The following KIF1B variants were observed in gnomAD, a reference collection of about 807,000 sequenced individuals.
KIF1B encodes the protein kinesin-like protein KIF1B.
In KIF1B, 76 loss-of-function variants were observed where a neutral mutation model predicts 241.9. The observed-to-expected ratio is 0.31, with a 90% CI of 0.26 to 0.38. The LOEUF is 0.38. Among genes scored for constraint, KIF1B ranks in the 10% least tolerant of loss-of-function variants. The pLI is 1.00. For missense variants in KIF1B, 1,622 were observed against 2,271.4 expected (o/e 0.71, Z 5.81); for synonymous variants, 750 against 796.7 (o/e 0.94, Z 0.99).
chr1:10,370,593 T>TAAG (rs70997223), intron 44 of KIF1B, among the ~76,000 whole-genome samples: 18,553 of 141,144 alleles, frequency 0.13, 1,493 homozygotes, highest in Non-Finnish European at 0.17. Flanking sequence ...ATAATAATAA[T>TAAG]AAGAAGAAGA....
At position 10,232,259 on chromosome 1, in the gene KIF1B, C is replaced by A; in HGVS notation, c.-70C>A. On this transcript the variant is annotated 5_prime_UTR_variant, in exon 2 of 49. In the 5' UTR this introduces an upstream ATG that the reference lacks. Transcript: ENST00000676179. Reference sequence around the variant, plus strand: ...TTTTTTCTTTTCAAAGGAAACTTGGCTGTAACTTCAAAAGAAGATTTGATT... The same window carrying A: ...TTTTTTCTTTTCAAAGGAAACTTGGATGTAACTTCAAAAGAAGATTTGATT... 1 of 1,224,048 alleles carries A rather than the reference C, an allele frequency of 8.2e-7. No homozygotes were observed. Among genetic ancestry groups the A allele is most frequent in the Non-Finnish European group, 1.2e-6 (1 of 848,396 alleles). The allele number at this position is 1,224,048 out of a possible 1,614,324, so 75.8% of individuals were successfully genotyped here. A position where few individuals can be genotyped will look rare whatever the true frequency, so the allele number is the denominator to read the frequency against.
At position 10,337,196 on chromosome 1, in the gene KIF1B, T is replaced by C. The variant is rs922916817; in HGVS notation, c.3252T>C (p.Asn1084=). 13 of 1,614,174 alleles carry C rather than the reference T, an allele frequency of 8.1e-6. No individual in the cohort carries two copies. The highest frequency in any genetic ancestry group is 1.3e-5 in the African/African-American group (1 of 75,040). ...CTCCAGAAGAAATCAGTCGAATTAATGACTTGGGTATGTAGACATAGTTTA... is the reference window on the plus strand; with the variant it reads ...CTCCAGAAGAAATCAGTCGAATTAACGACTTGGGTATGTAGACATAGTTTA... The part of the protein sequence containing the change: ...ITPPEEISRI[N]DLDLKSSTLL... The change falls in exon 30 of 49, where the codon AAT becomes AAC. Residue 1084 remains asparagine, a synonymous_variant. Coordinates refer to ENST00000676179, the MANE Select transcript of KIF1B (RefSeq NM_001365951.3). This position sits in a 1 kb window ranked among gnomAD's most constrained non-coding sequence, Gnocchi z 4.0.
Position 10,342,174 on chromosome 1 carries a change from G to GTCCAA in KIF1B, c.3632+6_3632+7insTCCAA. ...CAAGGACAGGAGCTTAACAGGTTTG[G>GTCCAA]ACCAGATAAGCAAACATTTTTGATG... On this transcript the variant is annotated splice_region_variant and intron_variant, in intron 33 of 48. Coordinates refer to ENST00000676179, the MANE Select transcript of KIF1B (RefSeq NM_001365951.3). 1 of 1,524,290 alleles carries GTCCAA rather than the reference G, an allele frequency of 6.6e-7. No individual in the cohort carries two copies. The highest frequency in any genetic ancestry group is 9.1e-7 in the Non-Finnish European group (1 of 1,098,068). The allele number at this position is 1,524,290 out of a possible 1,614,324, so 94.4% of individuals were successfully genotyped here.
rs191789832 is a variant in KIF1B at position 10,337,027 on chromosome 1, C to G, written c.3130-47C>G. ...GAAGTAAGGCAACTGGGGAAAAATA[C>G]GTTTTTATACTACTTTACCATGTAT... On this transcript the variant is annotated intron_variant, in intron 29 of 48. Transcript: ENST00000676179. The surrounding 1 kb of genome is among the most constrained non-coding windows in gnomAD (Gnocchi z 4.0). 2 of 1,612,824 alleles carry G rather than the reference C, an allele frequency of 1.2e-6. No individual in the cohort carries two copies.
rs1483866979 is a variant in KIF1B at position 10,377,761 on chromosome 1, ACC to A, written c.*1177_*1178del. The A allele has an allele frequency of 2.2e-5, 4 of 184,136 alleles. No homozygotes were observed. Among genetic ancestry groups the A allele is most frequent in the African/African-American group, 9.4e-5 (4 of 42,440 alleles). The allele number at this position is 184,136 out of a possible 1,614,324, so 11.4% of individuals were successfully genotyped here. Reference sequence around the variant, plus strand: ...AGACCAGCCTGGCCAATATGATGAAACCCCGTCTCTACTAAAAATACAAAATT... The same window carrying A: ...AGACCAGCCTGGCCAATATGATGAAACCGTCTCTACTAAAAATACAAAATT... On this transcript the variant is annotated 3_prime_UTR_variant, in exon 49 of 49. Coordinates refer to ENST00000676179, the MANE Select transcript of KIF1B (RefSeq NM_001365951.3).
chr1:10,244,805 G>T (rs1206325172), intron 2 of KIF1B, among the ~76,000 whole-genome samples: 1 of 150,710 alleles, frequency 6.6e-6, no homozygotes. Context: ...GTAGAGACGG[G>T]GTTTCACTGT....
chr1:10,215,170 A>ATTTTT (rs1437007597), intron 1 of KIF1B, among the ~76,000 whole-genome samples: 2 of 50,246 alleles, frequency 4.0e-5, no homozygotes, highest in African/African-American at 1.1e-4. Context: ...ATATATATAT[A>ATTTTT]TATTTTTTTT....
intron 15 of KIF1B, among the ~76,000 whole-genome samples, chr1:10,283,603 C>G (rs1325860078): frequency 6.6e-6 from 1 of 152,258 alleles, no homozygotes; most frequent in African/African-American, 2.4e-5. Context: ...GAAAGCTGTT[C>G]AGGAATCCTG....
intron 22 of KIF1B, among the ~76,000 whole-genome samples, chr1:10,316,111 TAGTCCC>T (rs927836339): frequency 4.7e-5 from 7 of 149,504 alleles, no homozygotes; most frequent in African/African-American, 1.8e-4. Flanking sequence ...CTCACTCTTG[TAGTCCC>T]AGCTACTTGG....
intron 1 of KIF1B, chr1:10,230,663 T>A (rs1646968515): frequency 1.3e-5 from 2 of 152,172 alleles, no homozygotes; most frequent in Non-Finnish European, 2.9e-5. Context: ...CTTGATCTCC[T>A]GACCTCAAGT....
chr1:10,352,907 AAAAG>A (rs890871276), intron 38 of KIF1B, among the ~76,000 whole-genome samples, 171 bp downstream of exon 38: 4 of 152,212 alleles, frequency 2.6e-5, no homozygotes, highest in Non-Finnish European at 4.4e-5. Flanking sequence ...GTACTCTCCA[AAAAG>A]AAAGAAAGAA....
intron 38 of KIF1B, among the ~76,000 whole-genome samples, chr1:10,355,754 G>A (rs997478327): frequency 9.2e-5 from 14 of 152,058 alleles, no homozygotes; most frequent in African/African-American, 3.4e-4. Flanking sequence ...AAGCATGAAG[G>A]GTTTATTGCT....
chr1:10,252,112 T>G (rs1396956662), intron 2 of KIF1B, among the ~76,000 whole-genome samples: 1 of 152,060 alleles, frequency 6.6e-6, no homozygotes, highest in Non-Finnish European at 1.5e-5. Context: ...CAATCTCGGC[T>G]CACTGCAACC....
intron 27 of KIF1B, among the ~76,000 whole-genome samples, chr1:10,331,771 A>C (rs112808085): frequency 3.3e-5 from 5 of 152,234 alleles, no homozygotes; most frequent in Admixed American, 3.3e-4. Flanking sequence ...GCATATACCA[A>C]ATGGGAAGAC....
chr1:10,225,210 G>A (rs954377766), intron 1 of KIF1B, among the ~76,000 whole-genome samples: 10 of 152,142 alleles, frequency 6.6e-5, no homozygotes, highest in African/African-American at 2.4e-4. Flanking sequence ...CTAAGGCTGG[G>A]TGTGGTGGGA....
At chr1:10,318,207 T>A (rs1651379136) in intron 22 of KIF1B, among the ~76,000 whole-genome samples, 1 of 151,574 alleles carries the variant, frequency 6.6e-6, no homozygotes, top group African/African-American at 2.4e-5. Flanking sequence ...TTTGTGAGAA[T>A]AACTGACAAA....
At chr1:10,262,352 G>A (rs1230324622) in intron 5 of KIF1B, among the ~76,000 whole-genome samples, 1 of 152,106 alleles carries the variant, frequency 6.6e-6, no homozygotes, top group Non-Finnish European at 1.5e-5. Context: ...GTTTCCCTAT[G>A]TTGCCCAGGT....
In KIF1B at chr1:10,361,035, T is replaced by C. The variant is rs753376818; in HGVS notation, c.4162T>C (p.Tyr1388His). 6.2e-7 allele frequency: 1 copy of C among 1,607,082 alleles called. No homozygotes were observed. The highest frequency in any genetic ancestry group is 2.2e-5 in the East Asian group (1 of 44,840). Reference protein sequence around the residue: ...GEKIYMTLSAYLELDHCIQPA... With the variant: ...GEKIYMTLSAHLELDHCIQPA... ...AAAGATCTACATGACCTTGTCGGCC[T>C]ACCTAGAGGTGAGGAGACTTGGAAC... Residue 1388 changes from tyrosine to histidine, a missense_variant, in exon 39 of 49, where the codon TAC becomes CAC. By Grantham distance (83) the Tyr-to-His change is moderately conservative (BLOSUM62 2). This residue lies in a region of KIF1B where 803 missense variants were observed against 1,112.0 expected (regional missense o/e 0.72). Transcript: ENST00000676179.
intron 16 of KIF1B, among the ~76,000 whole-genome samples, chr1:10,291,783 T>C (rs966086473): frequency 6.6e-5 from 10 of 152,302 alleles, no homozygotes; most frequent in Admixed American, 3.3e-4. Flanking sequence ...AATTATTGAC[T>C]ATCCCAAAGT....
Sources: gnomAD v4.1 joint callset for allele counts (sites outside exome capture counted in the v4.1 genomes callset) on GRCh38, gnomAD v4.1.1 for gene constraint, gnomAD v4.1.1 regional missense constraint, Gnocchi (gnomAD v3.1) non-coding constraint, MANE v1.5 for transcripts, NCBI Gene and HGNC (gene_info 2026-07-23, HGNC 2026-07-21) for gene names.